SLC11A2: variants seen among roughly 807,000 people sequenced by gnomAD.
SLC11A2 encodes the protein solute carrier family 11 member 2.
SLC11A2 carries 38 observed loss-of-function variants against 68.0 expected under a neutral mutation model. The observed-to-expected ratio is 0.56, with a 90% CI of 0.43 to 0.73. SLC11A2 has a LOEUF of 0.73. Among genes scored for constraint, SLC11A2 ranks in the 30% least tolerant of loss-of-function variants. SLC11A2 has a pLI of 0.00. For synonymous variants in SLC11A2, 242 were observed against 250.6 expected (o/e 0.97, Z 0.32); for missense variants, 517 against 690.5 (o/e 0.75, Z 2.82).
the SLC11A2 span, among the ~76,000 whole-genome samples, chr12:50,964,020 T>C: frequency 1.3e-5 from 2 of 152,248 alleles, no homozygotes; most frequent in Admixed American, 6.5e-5. Flanking sequence ...CTTTGGATGA[T>C]GATGATTCCT....
the SLC11A2 span, among the ~76,000 whole-genome samples, chr12:50,972,234 T>C: frequency 6.6e-6 from 1 of 152,172 alleles, no homozygotes; most frequent in African/African-American, 2.4e-5. Flanking sequence ...TAAAAATAGA[T>C]TAAGAGTTTA....
intron 1 of SLC11A2, among the ~76,000 whole-genome samples, chr12:51,017,155 A>G (rs73300037): frequency 0.021 from 3,129 of 152,250 alleles, 113 homozygotes; most frequent in African/African-American, 0.07. Context: ...AAAAAAGCAA[A>G]AAGTACTCAT....
At chr12:50,971,595 C>T in the SLC11A2 span, among the ~76,000 whole-genome samples, 5 of 152,190 alleles carry the variant, frequency 3.3e-5, no homozygotes, top group African/African-American at 1.2e-4. Context: ...TGGCCTTGGA[C>T]TCCGCTCTAA....
At chr12:51,018,259 G>A (rs1566037741) in intron 1 of SLC11A2, among the ~76,000 whole-genome samples, 2 of 152,066 alleles carry the variant, frequency 1.3e-5, no homozygotes, top group African/African-American at 4.8e-5. Context: ...GCCGGGCGTG[G>A]TTGTGGGTGC....
In SLC11A2 at chr12:50,986,365, A is replaced by AT. The variant is rs1320569932; in HGVS notation, c.*1959dup. On this transcript the variant is annotated 3_prime_UTR_variant, in exon 16 of 16. Transcript: ENST00000262052. ...ATCAAATGCAATAACGTATGAGGGT[A>AT]TTTTTAACACTGTGAAGTACACACA... 1 of 1,281,102 alleles carries AT rather than the reference A, an allele frequency of 7.8e-7. No homozygotes were observed. The highest frequency in any genetic ancestry group is 1.0e-6 in the Non-Finnish European group (1 of 983,212). 79.4% of individuals were successfully genotyped at this position (1,281,102 alleles called of 1,614,324 possible). A position where few individuals can be genotyped will look rare whatever the true frequency, so the allele number is the denominator to read the frequency against.
downstream of SLC11A2, among the ~76,000 whole-genome samples, chr12:50,974,940 C>T (rs1939829330): frequency 6.6e-6 from 1 of 152,192 alleles, no homozygotes; most frequent in Admixed American, 6.5e-5. Context: ...GAAGAGCTAA[C>T]TATCTTAAAT....
At chr12:51,025,724 C>A (rs1288058406) in intron 1 of SLC11A2, 6 of 983,878 alleles carry the variant, frequency 6.1e-6, no homozygotes, top group Non-Finnish European at 7.2e-6. Context: ...AGCCTGGAAT[C>A]CAGAGGGTCC....
rs1463940317 is a variant in SLC11A2 at position 50,990,840 on chromosome 12, C to T, written c.1530G>A (p.Val510=). Residue 510 remains valine (V), a synonymous_variant, in exon 15 of 16, where the codon GTG becomes GTA. Coordinates refer to ENST00000262052, the MANE Select transcript of SLC11A2 (RefSeq NM_000617.3). ...RDLGHVALYV[V]AAVVSVAYLG... ...GATAAGCCACGCTGACCACAGCAGC[C>T]ACCACATATAATGCCACATGCCCTA... 1.9e-6 allele frequency: 3 copies of T among 1,614,012 alleles called. No homozygotes were observed. In the African/African-American group the frequency reaches 4.0e-5, roughly 22 times the overall value.
intron 3 of SLC11A2, 144 bp downstream of exon 3, chr12:51,008,332 T>TATATAG (rs1942931105): frequency 1.2e-5 from 8 of 652,150 alleles, no homozygotes; most frequent in East Asian, 2.9e-5. Flanking sequence ...TGTGTATATA[T>TATATAG]ATATATAGAT....
chr12:50,959,775 G>C, the SLC11A2 span, among the ~76,000 whole-genome samples: 1 of 152,180 alleles, frequency 6.6e-6, no homozygotes. Context: ...AGCCTCCCAA[G>C]TAGCTGGGAT....
intron 1 of SLC11A2, among the ~76,000 whole-genome samples, chr12:51,014,787 AGG>A (rs1187850381): frequency 6.6e-6 from 1 of 152,144 alleles, no homozygotes; most frequent in Non-Finnish European, 1.5e-5. Context: ...CAGGAGGTAG[AGG>A]TTGCAGTGAG....
chr12:50,957,132 T>C, the SLC11A2 span, among the ~76,000 whole-genome samples: 1 of 152,168 alleles, frequency 6.6e-6, no homozygotes, highest in Admixed American at 6.5e-5. Flanking sequence ...AGAATAAATA[T>C]ATCCTTACCC....
At chr12:51,025,106 A>T (rs1944291294) in intron 1 of SLC11A2, among the ~76,000 whole-genome samples, 1 of 152,230 alleles carries the variant, frequency 6.6e-6, no homozygotes, top group South Asian at 2.1e-4. Flanking sequence ...ACGCAGCAGA[A>T]ATCCTCTAGT....
At chr12:50,992,100 C>G (rs981074925) in intron 13 of SLC11A2, 90 bp downstream of exon 13, 7 of 1,250,266 alleles carry the variant, frequency 5.6e-6, no homozygotes, top group Non-Finnish European at 8.2e-6. Flanking sequence ...CTCTCAATAT[C>G]CCCCCAGCAC....
chr12:51,005,777 T>C, intron 3 of SLC11A2: 1 of 966,118 alleles, frequency 1.0e-6, no homozygotes, highest in Non-Finnish European at 1.4e-6. Context: ...GGTGTGGTGC[T>C]GTGTGGTGTG....
At chr12:51,014,580 G>A (rs1042719741) in intron 1 of SLC11A2, among the ~76,000 whole-genome samples, 2 of 152,172 alleles carry the variant, frequency 1.3e-5, no homozygotes, top group Admixed American at 6.6e-5. Context: ...GGCCGGAGGC[G>A]GTGGCTCACG....
At chr12:50,982,917 G>A (rs1005540637), downstream of SLC11A2, among the ~76,000 whole-genome samples, 1 of 149,648 alleles carries the variant, frequency 6.7e-6, no homozygotes, top group Non-Finnish European at 1.5e-5. Context: ...CTCCGGCCTG[G>A]GCAACACAGC....
chr12:50,991,780 G>A, intron 13 of SLC11A2, 108 bp from the exon 14 acceptor site: 1 of 841,086 alleles, frequency 1.2e-6, no homozygotes. Context: ...ACTACTCCAT[G>A]AGAAATAATT....
At chr12:50,958,378 T>G in the SLC11A2 span, among the ~76,000 whole-genome samples, 1 of 149,814 alleles carries the variant, frequency 6.7e-6, no homozygotes, top group African/African-American at 2.5e-5. Flanking sequence ...GCCTCCCGGG[T>G]TCACACCATT....
Sources: allele counts gnomAD v4.1 joint callset (sites outside exome capture counted in the v4.1 genomes callset), GRCh38; gene constraint gnomAD v4.1.1; transcripts MANE v1.5; gene names NCBI Gene and HGNC (gene_info 2026-07-23, HGNC 2026-07-21).